Variants in PYGB observed in about 807,000 individuals in gnomAD.
PYGB encodes the protein glycogen phosphorylase B.
Under a neutral mutation model 94.3 loss-of-function variants are expected in PYGB, and 82 were observed. The ratio of observed to expected loss-of-function variants is 0.87; its 90% CI spans 0.73 to 1.04. PYGB has a LOEUF of 1.04. PYGB is among the 50% of genes least tolerant of loss of function. The probability of loss-of-function intolerance (pLI) is 0.00; values close to 1 mark genes in which losing one functional copy is unlikely to be tolerated. For missense variants in PYGB, 1,132 were observed against 1,158.2 expected, an observed-to-expected ratio of 0.98 and a Z score of 0.33; for synonymous variants, 488 against 479.1, an observed-to-expected ratio of 1.02 and a Z score of -0.24.
At chr20:25,262,571 A>T (rs551267733) in intron 2 of PYGB, among the ~76,000 whole-genome samples, 21 of 152,342 alleles carry the variant, frequency 1.4e-4, no homozygotes, top group African/African-American at 3.8e-4. Context: ...TGTATCAGCT[A>T]CCGGGCAGAA....
intron 2 of PYGB, among the ~76,000 whole-genome samples, chr20:25,268,772 A>G (rs1272206404): frequency 6.6e-6 from 1 of 152,240 alleles, no homozygotes; most frequent in Non-Finnish European, 1.5e-5. Context: ...TTTGAATACA[A>G]TTGGAATCAC....
chr20:25,273,653 T>C (rs1204170987), intron 4 of PYGB, among the ~76,000 whole-genome samples: 3 of 152,028 alleles, frequency 2.0e-5, no homozygotes, highest in African/African-American at 7.3e-5. Context: ...CCGCTTTTAG[T>C]GTGGGGGTTG....
rs200946871 is a variant in PYGB at position 25,284,151 on chromosome 20, G to A, written c.1668G>A (p.Val556=). The change falls in exon 14 of 20, where the codon GTG becomes GTA. Residue 556 remains valine (V), a synonymous_variant. Coordinates refer to ENST00000216962, the MANE Select transcript of PYGB (RefSeq NM_002862.4). The stretch of plus-strand genomic sequence containing the variant: ...CCTTCCTGGAGAAGGAGTACAAGGT[G>A]AAGATCAACCCCTCCTCCATGTTCG... ...FSAFLEKEYK[V]KINPSSMFDV... is the part of the protein sequence containing the mutation. The A allele has an allele frequency of 8.7e-6, 14 of 1,614,104 alleles. No homozygotes were observed. The highest frequency in any genetic ancestry group is 1.7e-4 in the Middle Eastern group (1 of 6,060).
At chr20:25,274,177 A>G (rs1600730150) in intron 4 of PYGB, among the ~76,000 whole-genome samples, 2 of 152,320 alleles carry the variant, frequency 1.3e-5, no homozygotes, top group East Asian at 3.9e-4. Flanking sequence ...TTGCAGTCAC[A>G]CCCAGCCCCT....
intron 2 of PYGB, among the ~76,000 whole-genome samples, chr20:25,266,321 G>C (rs1425922592): frequency 6.6e-6 from 1 of 151,848 alleles, no homozygotes; most frequent in Non-Finnish European, 1.5e-5. Flanking sequence ...TCAACAAATG[G>C]TATTGGGATA....
chr20:25,276,551 C>T (rs2281560), intron 5 of PYGB, 95 bp from the exon 6 acceptor site: 155,524 of 986,762 alleles, frequency 0.16, 16,841 homozygotes, highest in East Asian at 0.57. Flanking sequence ...GCCAGCAGGG[C>T]GCCAGGTGCC....
In PYGB at chr20:25,296,328, GC is replaced by G. The variant is rs773093845; in HGVS notation, c.2380-39del. Reference sequence around the variant, plus strand: ...AATCCCATGTTTTTAGCAGCCCCAAGCCCTGTGACGCCAGAGACTAATTTCA... The same window carrying G: ...AATCCCATGTTTTTAGCAGCCCCAAGCCTGTGACGCCAGAGACTAATTTCA... On this transcript the variant is annotated intron_variant, in intron 19 of 19. Coordinates refer to ENST00000216962, the MANE Select transcript of PYGB (RefSeq NM_002862.4). 35 of 1,610,656 alleles carry G rather than the reference GC, an allele frequency of 2.2e-5. No homozygotes were observed. The Middle Eastern group carries it at 6.6e-4, about 30-fold the overall frequency.
chr20:25,250,138 C>CGGTG (rs2092883498), intron 1 of PYGB, among the ~76,000 whole-genome samples: 1 of 152,284 alleles, frequency 6.6e-6, no homozygotes, highest in South Asian at 2.1e-4. Context: ...CGTGAGCCAA[C>CGGTG]GCACCCGACC....
intron 12 of PYGB, 85 bp downstream of exon 12, chr20:25,282,232 C>CT: frequency 7.8e-6 from 9 of 1,150,108 alleles, no homozygotes; most frequent in Non-Finnish European, 1.1e-5. Context: ...TGAGCGGTTG[C>CT]TGAGTAGGCA....
rs376641103 is a variant in PYGB at position 25,282,126 on chromosome 20, G to A, written c.1497G>A (p.Gly499=). The change falls in exon 12 of 20, where the codon GGG becomes GGA. Residue 499 remains glycine (G), a synonymous_variant. Transcript: ENST00000216962. ...PRRWLLLCNP[G]LADTIVEKIG... ...GGTGGCTGCTGCTGTGCAACCCGGG[G>A]CTGGCCGATACCATCGTGGAGGTGA... 3.7e-6 allele frequency: 6 copies of A among 1,613,046 alleles called. No individual in the cohort carries two copies. Among genetic ancestry groups the A allele is most frequent in the African/African-American group, 2.7e-5 (2 of 74,900 alleles).
chr20:25,271,159 C>T (rs188721091), intron 3 of PYGB, among the ~76,000 whole-genome samples: 133 of 151,878 alleles, frequency 8.8e-4, no homozygotes, highest in African/African-American at 3.1e-3. Context: ...ATTCTTCATC[C>T]CCCCCCATCC....
intron 10 of PYGB, 31 bp from the exon 11 acceptor site, chr20:25,280,918 C>T: frequency 6.2e-7 from 1 of 1,609,816 alleles, no homozygotes; most frequent in Non-Finnish European, 8.5e-7. Context: ...CCTCCTGTGC[C>T]CACCCACCTG....
chr20:25,292,733 C>A (rs986721568), intron 17 of PYGB, 120 bp downstream of exon 17: 11 of 1,270,406 alleles, frequency 8.7e-6, no homozygotes, highest in Non-Finnish European at 1.2e-5. Context: ...AGGGTCAGTG[C>A]CCACCCAGGG....
At chr20:25,288,629 G>A (rs2088439479) in intron 15 of PYGB, 146 bp downstream of exon 15, 2 of 912,072 alleles carry the variant, frequency 2.2e-6, no homozygotes, top group Non-Finnish European at 3.4e-6. Flanking sequence ...ATGCCTGTGG[G>A]GGTGGGGACC....
At chr20:25,278,743 C>T (rs993925355) in intron 8 of PYGB, among the ~76,000 whole-genome samples, 4 of 152,200 alleles carry the variant, frequency 2.6e-5, no homozygotes, top group Non-Finnish European at 5.9e-5. Context: ...AAACAAAGCC[C>T]TATAGTTCCA....
At chr20:25,270,463 A>C (rs1026274984) in intron 3 of PYGB, among the ~76,000 whole-genome samples, 10 of 151,562 alleles carry the variant, frequency 6.6e-5, no homozygotes, top group Admixed American at 2.6e-4. Context: ...CAGCCTCCTA[A>C]AGTGTTGGGA....
chr20:25,274,854 C>G, intron 5 of PYGB, 131 bp downstream of exon 5: 1 of 1,376,188 alleles, frequency 7.3e-7, no homozygotes, highest in South Asian at 1.4e-5. Flanking sequence ...AAGGTAAAAG[C>G]CGGGGGAGGT....
rs552122513 is a variant in PYGB at position 25,277,220 on chromosome 20, T to G, written c.773-24T>G. 2.0e-6 allele frequency: 3 copies of G among 1,527,982 alleles called. No homozygotes were observed. In the East Asian group the frequency reaches 6.7e-5, roughly 34 times the overall value. 94.7% of individuals were successfully genotyped at this position (1,527,982 alleles called of 1,614,324 possible). A position where few individuals can be genotyped will look rare whatever the true frequency, so the allele number is the denominator to read the frequency against. ...CTGGTGCCAGGAGGCATGTGTGTGT[T>G]GACCCCGCTCCATTTCTTCTTAGTC... On this transcript the variant is annotated intron_variant, in intron 6 of 19. Transcript: ENST00000216962.
rs201206079 is a variant in PYGB, at chr20:25,271,476, A to G, written c.518A>G (p.Asn173Ser). The change falls in exon 4 of 20, where the codon AAT becomes AGT. Residue 173 changes from asparagine (N) to serine (S), a missense_variant. Physicochemically the swap from Asn to Ser is conservative, Grantham distance 46. Coordinates refer to ENST00000216962, the MANE Select transcript of PYGB (RefSeq NM_002862.4). ...GGGATTTTTAACCAGAAGATTGTCA[A>G]TGGCTGGCAGGTGGGTGAGATTTCA... ...EFGIFNQKIV[N>S]GWQVEEADDW... 3.1e-5 allele frequency: 50 copies of G among 1,613,016 alleles called. No individual in the cohort carries two copies. Among genetic ancestry groups the G allele is most frequent in the East Asian group, 2.0e-4 (9 of 44,898 alleles).
Sources: gnomAD v4.1 joint callset for allele counts (sites outside exome capture counted in the v4.1 genomes callset) on GRCh38, gnomAD v4.1.1 for gene constraint, MANE v1.5 for transcripts, NCBI Gene and HGNC (gene_info 2026-07-23, HGNC 2026-07-21) for gene names.